Variants in PTPRT observed in about 807,000 individuals in gnomAD.
PTPRT encodes the protein receptor-type tyrosine-protein phosphatase T.
PTPRT carries 56 observed loss-of-function variants against 176.8 expected under a neutral mutation model. The observed-to-expected ratio is 0.32, with a 90% confidence interval of 0.26 to 0.40. The LOEUF is 0.40. PTPRT is among the 10% of genes least tolerant of loss of function. The probability of loss-of-function intolerance (pLI) is 1.00; values close to 1 mark genes in which losing one functional copy is unlikely to be tolerated. For synonymous variants in PTPRT, 783 were observed against 739.0 expected (o/e 1.06, Z -0.96); for missense variants, 1,540 against 1,908.2 (o/e 0.81, Z 3.60).
intron 7 of PTPRT, among the ~76,000 whole-genome samples, chr20:42,540,744 A>G (rs746154541): frequency 2.6e-5 from 4 of 152,198 alleles, no homozygotes; most frequent in Admixed American, 2.0e-4. Context: ...TTGTGCAGGA[A>G]GGGAAAATAA....
chr20:42,225,053 A>G (rs367566647), intron 15 of PTPRT, among the ~76,000 whole-genome samples: 1 of 152,200 alleles, frequency 6.6e-6, no homozygotes, highest in Non-Finnish European at 1.5e-5. Flanking sequence ...TCTAGCCAAA[A>G]TCATTAGTTA....
chr20:43,006,368 A>G (rs534190170), intron 1 of PTPRT, among the ~76,000 whole-genome samples: 1 of 152,348 alleles, frequency 6.6e-6, no homozygotes, highest in Non-Finnish European at 1.5e-5. Context: ...AGCATATGTT[A>G]ATTCATTCTG....
At chr20:42,547,379 G>A (rs1226309674) in intron 7 of PTPRT, among the ~76,000 whole-genome samples, 2 of 151,832 alleles carry the variant, frequency 1.3e-5, no homozygotes, top group Admixed American at 1.3e-4. Context: ...ATATGTATAT[G>A]TGATAGAAAC....
chr20:43,181,077 G>A (rs955933340), intron 1 of PTPRT, among the ~76,000 whole-genome samples: 1 of 152,210 alleles, frequency 6.6e-6, no homozygotes, highest in African/African-American at 2.4e-5. Context: ...GAAGTGGCCT[G>A]TGTGGCAAGG....
intron 1 of PTPRT, among the ~76,000 whole-genome samples, chr20:43,017,063 C>T (rs1403726162): frequency 1.3e-5 from 2 of 151,882 alleles, no homozygotes; most frequent in East Asian, 3.9e-4. Context: ...TTTTAAAAAT[C>T]AAAATTAATG....
intron 2 of PTPRT, among the ~76,000 whole-genome samples, chr20:42,803,515 T>C (rs1042350657): frequency 4.6e-5 from 7 of 152,254 alleles, no homozygotes; most frequent in African/African-American, 1.4e-4. Flanking sequence ...TCCACAGCAC[T>C]GTAGCATGGG....
chr20:42,498,638 A>G (rs2071695617), intron 7 of PTPRT, among the ~76,000 whole-genome samples: 1 of 152,146 alleles, frequency 6.6e-6, no homozygotes, highest in South Asian at 2.1e-4. Context: ...TTTAGCTCTA[A>G]TAAGAAACAT....
chr20:42,515,173 A>G (rs1277700475), intron 7 of PTPRT, among the ~76,000 whole-genome samples: 2 of 152,190 alleles, frequency 1.3e-5, no homozygotes, highest in South Asian at 4.1e-4. Context: ...ATGCAATTTT[A>G]TAATTTTTTT....
In PTPRT at chr20:42,175,314, C is replaced by T. The variant is rs1287898345; in HGVS notation, c.2492-13772G>A. Among the ~76,000 whole-genome samples the T allele has an allele frequency of 2.0e-5, 3 of 152,308 alleles. No homozygotes were observed. In the East Asian group the frequency reaches 5.8e-4, roughly 29 times the overall value. On this transcript the variant is annotated intron_variant, in intron 16 of 30. Transcript: ENST00000373187. ...TCTCTGTCCTTTCCCCTCTAGGCTGCAGCCACACTGTCTCCTCACTGAATT... is the reference window on the plus strand; with the variant it reads ...TCTCTGTCCTTTCCCCTCTAGGCTGTAGCCACACTGTCTCCTCACTGAATT...
chr20:42,060,432 T>C, the PTPRT span, among the ~76,000 whole-genome samples: 1 of 152,196 alleles, frequency 6.6e-6, no homozygotes, highest in Non-Finnish European at 1.5e-5. Flanking sequence ...CACTCTCTGA[T>C]ATGGTTTGGC....
intron 17 of PTPRT, among the ~76,000 whole-genome samples, chr20:42,143,677 T>C (rs34602526): frequency 0.067 from 10,156 of 152,180 alleles, 649 homozygotes; most frequent in East Asian, 0.29. Flanking sequence ...CAGTTGAATG[T>C]TGTTGACTTG....
intron 13 of PTPRT, among the ~76,000 whole-genome samples, chr20:42,277,186 C>T (rs62208714): frequency 0.044 from 6,701 of 152,218 alleles, 206 homozygotes; most frequent in Non-Finnish European, 0.067. Flanking sequence ...TCAGCACCCA[C>T]TCCAAGGGGG....
chr20:43,146,392 A>C (rs1055444295), intron 1 of PTPRT, among the ~76,000 whole-genome samples: 2 of 152,182 alleles, frequency 1.3e-5, no homozygotes, highest in Admixed American at 6.5e-5. Context: ...GTAGTGAAAA[A>C]AATAGATGTT....
At chr20:42,522,923 G>T (rs750342886) in intron 7 of PTPRT, among the ~76,000 whole-genome samples, 1 of 152,102 alleles carries the variant, frequency 6.6e-6, no homozygotes, top group Non-Finnish European at 1.5e-5. Flanking sequence ...TGGTATGCAC[G>T]AATATGGTGG....
At chr20:42,528,386 A>G (rs528751759) in intron 7 of PTPRT, among the ~76,000 whole-genome samples, 2 of 151,928 alleles carry the variant, frequency 1.3e-5, no homozygotes, top group Non-Finnish European at 2.9e-5. Flanking sequence ...TAGATGTTCA[A>G]TAAGTATGTG....
intron 7 of PTPRT, among the ~76,000 whole-genome samples, chr20:42,557,479 T>C (rs970973387): frequency 2.0e-5 from 3 of 152,100 alleles, no homozygotes; most frequent in Admixed American, 6.6e-5. Context: ...CCTCTGCTAA[T>C]ACAAGTAAAA....
intron 7 of PTPRT, among the ~76,000 whole-genome samples, chr20:42,477,023 T>C (rs2071301869): frequency 6.6e-6 from 1 of 152,244 alleles, no homozygotes; most frequent in South Asian, 2.1e-4. Flanking sequence ...CATCTCTTCC[T>C]GCAGGGGGCC....
intron 1 of PTPRT, among the ~76,000 whole-genome samples, chr20:43,056,230 T>C (rs1987227022): frequency 6.6e-6 from 1 of 152,186 alleles, no homozygotes; most frequent in African/African-American, 2.4e-5. Flanking sequence ...TGTCCCTCTT[T>C]CATGGCACAG....
At chr20:42,774,138 C>G (rs552211114) in intron 4 of PTPRT, among the ~76,000 whole-genome samples, 1 of 152,100 alleles carries the variant, frequency 6.6e-6, no homozygotes, top group African/African-American at 2.4e-5. Context: ...AGATAATGAA[C>G]GCATGCACCT....
Sources: gnomAD v4.1 joint callset for allele counts (sites outside exome capture counted in the v4.1 genomes callset) on GRCh38, gnomAD v4.1.1 for gene constraint, MANE v1.5 for transcripts, NCBI Gene and HGNC (gene_info 2026-07-23, HGNC 2026-07-21) for gene names.